LAMA2: variants seen among roughly 807,000 people sequenced by gnomAD.
The protein encoded by LAMA2 is laminin subunit alpha-2.
Under a neutral mutation model 364.8 loss-of-function variants are expected in LAMA2, and 269 were observed. The observed-to-expected ratio is 0.74, with a 90% confidence interval of 0.67 to 0.82. LAMA2 has a LOEUF of 0.82. Among genes scored for constraint, LAMA2 ranks in the 40% least tolerant of loss-of-function variants. The probability of loss-of-function intolerance (pLI) is 0.00; values close to 1 mark genes in which losing one functional copy is unlikely to be tolerated. For missense variants in LAMA2, 3,807 were observed against 3,873.2 expected, an observed-to-expected ratio of 0.98 and a Z score of 0.45; for synonymous variants, 1,379 against 1,370.6, an observed-to-expected ratio of 1.01 and a Z score of -0.14.
Position 129,059,653 on chromosome 6 carries a change from C to T in LAMA2, c.284-131C>T, listed in dbSNP as rs10499148. The T allele has an allele frequency of 0.26, 171,756 of 669,240 alleles. 23,488 individuals are homozygous for T. The highest frequency in any genetic ancestry group is 0.39 in the African/African-American group (21,500 of 55,152). The allele number at this position is 669,240 out of a possible 1,614,324, so 41.5% of individuals were successfully genotyped here. On this transcript the variant is annotated intron_variant, in intron 2 of 64. Transcript: ENST00000421865. The stretch of plus-strand genomic sequence containing the variant: ...GTTGAGAATCTGAATTACTCTCCTT[C>T]TGTATTATTTTAATGTTTGATATTC...
chr6:129,492,947 A>C (rs1050160467), intron 58 of LAMA2, among the ~76,000 whole-genome samples: 3 of 152,160 alleles, frequency 2.0e-5, no homozygotes, highest in African/African-American at 7.2e-5. Flanking sequence ...TGAGCTCAGG[A>C]GTTCGAGACC....
chr6:129,162,755 A>G (rs1779513229), intron 8 of LAMA2, among the ~76,000 whole-genome samples: 1 of 152,118 alleles, frequency 6.6e-6, no homozygotes. Context: ...TATACCATGT[A>G]TGATAAAACT....
At chr6:129,229,438 G>A (rs767293656) in intron 12 of LAMA2, among the ~76,000 whole-genome samples, 4 of 152,122 alleles carry the variant, frequency 2.6e-5, no homozygotes, top group Non-Finnish European at 2.9e-5. Context: ...GGGAAGAGTT[G>A]AAGGATATGG....
intron 1 of LAMA2, among the ~76,000 whole-genome samples, chr6:129,023,688 G>T (rs139191084): frequency 6.6e-6 from 1 of 152,008 alleles, no homozygotes; most frequent in African/African-American, 2.4e-5. Flanking sequence ...GTACCTTTCC[G>T]CCATGTTTCT....
At chr6:128,961,347 A>ATATT (rs1781499463) in intron 1 of LAMA2, among the ~76,000 whole-genome samples, 1 of 61,174 alleles carries the variant, frequency 1.6e-5, no homozygotes, top group Non-Finnish European at 3.2e-5. Flanking sequence ...ATATATATAT[A>ATATT]TATATATATA....
chr6:129,315,557 C>A lies in LAMA2; in HGVS notation c.3637C>A (p.Gln1213Lys). 1 of 1,614,198 alleles carries A rather than the reference C, an allele frequency of 6.2e-7. No homozygotes were observed. The highest frequency in any genetic ancestry group is 8.5e-7 in the Non-Finnish European group (1 of 1,180,016). ...CACGACCACCAAGGGCATTGTTTTTCAACATCCAGAGATTGTTGCCCACAT... is the reference window on the plus strand; with the variant it reads ...CACGACCACCAAGGGCATTGTTTTTAAACATCCAGAGATTGTTGCCCACAT... ...QHTTTKGIVF[Q>K]HPEIVAHMDL... is the part of the protein sequence containing the mutation. The change falls in exon 25 of 65, where the codon CAA becomes AAA. Residue 1213 changes from glutamine (Q) to lysine (K), a missense_variant. Transcript: ENST00000421865.
chr6:129,056,211 A>G (rs2114788111), intron 2 of LAMA2, among the ~76,000 whole-genome samples: 1 of 152,334 alleles, frequency 6.6e-6, no homozygotes, highest in Middle Eastern at 3.4e-3. Flanking sequence ...TTTCTTCAGA[A>G]GAAGTGCCAA....
chr6:129,379,468 C>T (rs963382232), intron 34 of LAMA2, among the ~76,000 whole-genome samples: 3 of 152,042 alleles, frequency 2.0e-5, no homozygotes, highest in Non-Finnish European at 4.4e-5. Flanking sequence ...CATGCTAACC[C>T]GCATTAAGTT....
intron 29 of LAMA2, among the ~76,000 whole-genome samples, chr6:129,336,523 T>G (rs1392903904): frequency 6.6e-6 from 1 of 152,220 alleles, no homozygotes; most frequent in Non-Finnish European, 1.5e-5. Context: ...ACAGAGATTT[T>G]CTCATTTATT....
At chr6:129,241,094 G>A (rs1158967708) in intron 12 of LAMA2, among the ~76,000 whole-genome samples, 1 of 152,132 alleles carries the variant, frequency 6.6e-6, no homozygotes, top group Non-Finnish European at 1.5e-5. Context: ...AACCAATAAA[G>A]ACATATTTTA....
chr6:129,463,164 A>G (rs1313593476), intron 49 of LAMA2, among the ~76,000 whole-genome samples: 1 of 152,024 alleles, frequency 6.6e-6, no homozygotes, highest in Non-Finnish European at 1.5e-5. Context: ...CTGCTCCAAA[A>G]TAGCATAATT....
chr6:129,448,465 T>A (rs1485969121), intron 45 of LAMA2, among the ~76,000 whole-genome samples: 5 of 152,204 alleles, frequency 3.3e-5, no homozygotes, highest in Non-Finnish European at 5.9e-5. Flanking sequence ...CAAATGAGTT[T>A]TGTACTAAAT....
intron 17 of LAMA2, among the ~76,000 whole-genome samples, chr6:129,272,615 C>T (rs543527603): frequency 6.6e-6 from 1 of 152,200 alleles, no homozygotes; most frequent in East Asian, 1.9e-4. Context: ...GTAATTAATT[C>T]ATTGGATAAG....
At chr6:129,435,964 G>C (rs1283653675) in intron 41 of LAMA2, among the ~76,000 whole-genome samples, 1 of 152,106 alleles carries the variant, frequency 6.6e-6, no homozygotes, top group African/African-American at 2.4e-5. Flanking sequence ...AATCAAGACT[G>C]CTGTAGCTCT....
intron 40 of LAMA2, among the ~76,000 whole-genome samples, chr6:129,416,761 A>G (rs920937578): frequency 2.3e-5 from 3 of 133,240 alleles, no homozygotes; most frequent in Non-Finnish European, 4.8e-5. Context: ...CACTACCACT[A>G]CTGGGCTGGA....
intron 8 of LAMA2, chr6:129,158,528 T>C (rs1162684216): frequency 6.2e-7 from 1 of 1,614,128 alleles, no homozygotes; most frequent in Non-Finnish European, 8.5e-7. Flanking sequence ...CTGGAATAAA[T>C]GCTTCATCCT....
chr6:129,191,168 G>A (rs1781503178), intron 11 of LAMA2, among the ~76,000 whole-genome samples: 1 of 152,168 alleles, frequency 6.6e-6, no homozygotes, highest in African/African-American at 2.4e-5. Context: ...TTTACTTGGA[G>A]TGTCATTGAA....
At chr6:129,515,258 T>C (rs1334847301) in intron 64 of LAMA2, among the ~76,000 whole-genome samples, 1 of 152,198 alleles carries the variant, frequency 6.6e-6, no homozygotes, top group Non-Finnish European at 1.5e-5. Flanking sequence ...AGAGGAACTT[T>C]TATCCCTGTT....
At chr6:129,037,587 C>A (rs1476794254) in intron 1 of LAMA2, among the ~76,000 whole-genome samples, 1 of 152,140 alleles carries the variant, frequency 6.6e-6, no homozygotes, top group Middle Eastern at 3.4e-3. Flanking sequence ...ATTGGTATCT[C>A]CGCATGTTAG....
Sources: allele counts gnomAD v4.1 joint callset (sites outside exome capture counted in the v4.1 genomes callset), GRCh38; gene constraint gnomAD v4.1.1; transcripts MANE v1.5; gene names NCBI Gene and HGNC (gene_info 2026-07-23, HGNC 2026-07-21).